Variants in RNF126 observed in about 807,000 individuals in gnomAD.
RNF126 encodes ring finger protein 126, also known as E3 ubiquitin-protein ligase RNF126.
Under a neutral mutation model 41.9 loss-of-function variants are expected in RNF126, and 20 were observed. That is an observed-to-expected ratio of 0.48 (90% confidence interval 0.34 to 0.69). The LOEUF is 0.69. RNF126 is among the 30% of genes least tolerant of loss of function. The pLI, the probability that RNF126 is intolerant of heterozygous loss-of-function variation, is 0.01. For synonymous variants in RNF126, 239 were observed against 202.9 expected, an observed-to-expected ratio of 1.18 and a Z score of -1.51; for missense variants, 433 against 460.6, an observed-to-expected ratio of 0.94 and a Z score of 0.55.
At position 663,204 on chromosome 19, in the gene RNF126, C is replaced by A. The variant is rs2030889797; in HGVS notation, c.-83G>T. On this transcript the variant is annotated 5_prime_UTR_variant, in exon 1 of 9. Coordinates refer to ENST00000292363, the MANE Select transcript of RNF126 (RefSeq NM_194460.3). ...TTTGCTGCTCCCTCGCCGGCCGACG[C>A]GCCCGCGCACGCTCACGCACGGCAC... 3 of 430,648 alleles carry A rather than the reference C, an allele frequency of 7.0e-6. No homozygotes were observed. The highest frequency in any genetic ancestry group is 9.7e-6 in the Non-Finnish European group (3 of 309,592). 26.7% of individuals were successfully genotyped at this position (430,648 alleles called of 1,614,324 possible).
At chr19:651,552 G>T in intron 4 of RNF126, 59 bp downstream of exon 4, 1 of 1,369,056 alleles carries the variant, frequency 7.3e-7, no homozygotes, top group Non-Finnish European at 9.4e-7. Flanking sequence ...GATTCTAAGC[G>T]CCAGAACTTC....
chr19:662,976 AC>A, intron 1 of RNF126, 70 bp downstream of exon 1: 1 of 741,366 alleles, frequency 1.3e-6, no homozygotes. Flanking sequence ...AGCGACCCCC[AC>A]CCCGGCCCCG....
intron 6 of RNF126, chr19:649,298 G>A (rs915175712): frequency 6.0e-6 from 2 of 331,792 alleles, no homozygotes; most frequent in South Asian, 1.7e-4. Context: ...CTACTGTGAG[G>A]GTCGGGTCCT....
chr19:654,946 C>T (rs576901788), intron 1 of RNF126, among the ~76,000 whole-genome samples: 5 of 150,514 alleles, frequency 3.3e-5, no homozygotes, highest in Admixed American at 1.3e-4. Flanking sequence ...CCAGCCTGGG[C>T]GACAGAGTGA....
At position 648,362 on chromosome 19, in the gene RNF126, G is replaced by GCCCCCCCCCCCCCCCCCCCCC; in HGVS notation, c.786+9_786+10insGGGGGGGGGGGGGGGGGGGGG. The GCCCCCCCCCCCCCCCCCCCCC allele has an allele frequency of 1.5e-6, 1 of 680,500 alleles. No individual in the cohort carries two copies. Among genetic ancestry groups the GCCCCCCCCCCCCCCCCCCCCC allele is most frequent in the Non-Finnish European group, 2.3e-6 (1 of 426,842 alleles). 42.2% of individuals were successfully genotyped at this position (680,500 alleles called of 1,614,324 possible). ...GTCGGGGTGGGGGGGCGGGTGGGCGGGGCACTCACCTGCTCCAGCCAGGGC... is the reference window on the plus strand; with the variant it reads ...GTCGGGGTGGGGGGGCGGGTGGGCGGCCCCCCCCCCCCCCCCCCCCCGGCACTCACCTGCTCCAGCCAGGGC... On this transcript the variant is annotated intron_variant, in intron 8 of 8. Transcript: ENST00000292363.
intron 6 of RNF126, chr19:649,219 AT>A (rs2030136967): frequency 3.9e-5 from 2 of 51,082 alleles, no homozygotes; most frequent in Non-Finnish European, 7.7e-5. Context: ...TGACAGCGGA[AT>A]GGGGGGGGGG....
chr19:648,888 G>T lies in RNF126; in HGVS notation c.664C>A (p.His222Asn). The change falls in exon 7 of 9, where the codon CAC becomes AAC. Residue 222 changes from histidine (H) to asparagine (N), a missense_variant. His to Asn is a moderately conservative substitution (Grantham distance 68, BLOSUM62 1). Transcript: ENST00000292363. ...ALPTVPVTEE[H>N]VGSGLECPVC... ...GGAGGCTGAGCTCTCATACCTACGT[G>T]CTCCTCAGTGACGGGGACGGTGGGG... 6.9e-7 allele frequency: 1 copy of T among 1,443,350 alleles called. No individual in the cohort carries two copies. Among genetic ancestry groups the T allele is most frequent in the Non-Finnish European group, 9.1e-7 (1 of 1,095,770 alleles). 89.4% of individuals were successfully genotyped at this position (1,443,350 alleles called of 1,614,324 possible).
In RNF126 at chr19:663,200, G is replaced by T; in HGVS notation, c.-79C>A. ...GCCGTTTGCTGCTCCCTCGCCGGCC[G>T]ACGCGCCCGCGCACGCTCACGCACG... On this transcript the variant is annotated 5_prime_UTR_variant, in exon 1 of 9. Transcript: ENST00000292363. 2.0e-6 allele frequency: 1 copy of T among 510,990 alleles called. No individual in the cohort carries two copies. The highest frequency in any genetic ancestry group is 8.4e-5 in the South Asian group (1 of 11,864). 31.7% of individuals were successfully genotyped at this position (510,990 alleles called of 1,614,324 possible). A position where few individuals can be genotyped will look rare whatever the true frequency, so the allele number is the denominator to read the frequency against.
At position 654,321 on chromosome 19, in the gene RNF126, C is replaced by G. The variant is rs1486796098; in HGVS notation, c.76-1437G>C. Among the ~76,000 whole-genome samples the G allele has an allele frequency of 2.0e-5, 3 of 152,238 alleles. No individual in the cohort carries two copies. In the South Asian group the frequency reaches 6.2e-4, roughly 31 times the overall value. ...AGGCCGGGAGGCACCACATGCGTTT[C>G]AGCCCACGCCCCACGAATTCTCGGC... On this transcript the variant is annotated intron_variant, in intron 1 of 8. Transcript: ENST00000292363.
Position 648,158 on chromosome 19 carries a change from G to C in RNF126, c.906C>G (p.Pro302=), listed in dbSNP as rs1428345721. The C allele has an allele frequency of 1.2e-6, 2 of 1,601,600 alleles. No homozygotes were observed. Among genetic ancestry groups the C allele is most frequent in the Non-Finnish European group, 8.5e-7 (1 of 1,172,158 alleles). Residue 302 remains proline (P), a synonymous_variant, in exon 9 of 9, where the codon CCC becomes CCG. Transcript: ENST00000292363. ...SSSSSSSSSS[P]SNENATSNS ...AGTTGCTTGTGGCGTTCTCGTTGCT[G>C]GGCGAGCTGGAGGAGGACGATGACG...
At chr19:652,472 A>ACC in intron 2 of RNF126, 176 bp from the exon 3 acceptor site, 1 of 630,402 alleles carries the variant, frequency 1.6e-6, no homozygotes, top group Non-Finnish European at 2.7e-6. Context: ...TCGCCAGTAA[A>ACC]CCACGGGTTT....
At chr19:661,901 A>G (rs1231592356) in intron 1 of RNF126, among the ~76,000 whole-genome samples, 1 of 152,126 alleles carries the variant, frequency 6.6e-6, no homozygotes, top group African/African-American at 2.4e-5. Context: ...CTCCCGACTG[A>G]GCCGGCTCTG....
chr19:659,567 GCT>G lies in RNF126; in HGVS notation c.75+3478_75+3479del, dbSNP rs2144776134. Among the ~76,000 whole-genome samples the G allele has an allele frequency of 6.6e-6, 1 of 152,234 alleles. No individual in the cohort carries two copies. The highest frequency in any genetic ancestry group is 2.1e-4 in the South Asian group (1 of 4,824). On this transcript the variant is annotated intron_variant, in intron 1 of 8. Coordinates refer to ENST00000292363, the MANE Select transcript of RNF126 (RefSeq NM_194460.3). This position sits in a 1 kb window ranked among gnomAD's most constrained non-coding sequence, Gnocchi z 4.9. ...CCCTGCGCCCGCCTGGTTCCTGGGGGCTCAGTGCCCTCAGCAGCTCTCGCCCA... is the reference window on the plus strand; with the variant it reads ...CCCTGCGCCCGCCTGGTTCCTGGGGGCAGTGCCCTCAGCAGCTCTCGCCCA...
Position 649,946 on chromosome 19 carries a change from C to T in RNF126, c.507-198G>A, listed in dbSNP as rs547472539. ...AGGCTGGGGATGGGAACAGGCACCC[C>T]CTCCTACTCACCAGGGACCCTGGCT... On this transcript the variant is annotated intron_variant, in intron 5 of 8. Transcript: ENST00000292363. 2.6e-4 allele frequency among the ~76,000 whole-genome samples: 38 copies of T among 143,550 alleles called. 1 individual carries two copies. The highest frequency in any genetic ancestry group is 8.6e-4 in the African/African-American group (33 of 38,306). 94.2% of individuals were successfully genotyped at this position (143,550 alleles called of 152,430 possible).
chr19:657,988 G>A (rs531151234), intron 1 of RNF126, among the ~76,000 whole-genome samples: 1 of 152,182 alleles, frequency 6.6e-6, no homozygotes, highest in African/African-American at 2.4e-5. Flanking sequence ...CCTGGTGAAG[G>A]AGCTGCCCCA....
intron 6 of RNF126, 135 bp downstream of exon 6, chr19:649,544 C>T: frequency 2.9e-6 from 2 of 684,124 alleles, no homozygotes; most frequent in East Asian, 5.6e-5. Flanking sequence ...CCTGTGCCCG[C>T]CAGAGCGTGG....
At position 648,098 on chromosome 19, in the gene RNF126, C is replaced by T. The variant is rs764693117; in HGVS notation, c.*30G>A. On this transcript the variant is annotated 3_prime_UTR_variant, in exon 9 of 9. Coordinates refer to ENST00000292363, the MANE Select transcript of RNF126 (RefSeq NM_194460.3). Reference sequence around the variant, plus strand: ...GCTGGCTGAGGGTGGGTGGGAAAGGCCCCGTGCTTTCCCGACGGCCGACGT... The same window carrying T: ...GCTGGCTGAGGGTGGGTGGGAAAGGTCCCGTGCTTTCCCGACGGCCGACGT... 13 of 1,537,582 alleles carry T rather than the reference C, an allele frequency of 8.5e-6. No homozygotes were observed. The South Asian group carries it at 8.9e-5, about 10-fold the overall frequency.
chr19:647,918 G>T lies in RNF126; in HGVS notation c.*210C>A. The T allele has an allele frequency of 3.1e-6, 2 of 641,526 alleles. No individual in the cohort carries two copies. Among genetic ancestry groups the T allele is most frequent in the Non-Finnish European group, 5.5e-6 (2 of 365,808 alleles). The allele number at this position is 641,526 out of a possible 1,614,324, so 39.7% of individuals were successfully genotyped here. A position where few individuals can be genotyped will look rare whatever the true frequency, so the allele number is the denominator to read the frequency against. On this transcript the variant is annotated 3_prime_UTR_variant, in exon 9 of 9. Transcript: ENST00000292363. ...GGTTAGACAGAGGACGGGGAGGCTGGGGACGCCCCAGAGGGGACCATGTGG... is the reference window on the plus strand; with the variant it reads ...GGTTAGACAGAGGACGGGGAGGCTGTGGACGCCCCAGAGGGGACCATGTGG...
At chr19:661,767 G>C (rs969599241) in intron 1 of RNF126, among the ~76,000 whole-genome samples, 2 of 152,172 alleles carry the variant, frequency 1.3e-5, no homozygotes, top group African/African-American at 4.8e-5. Context: ...CGTAGCAACA[G>C]CCGGGCGGCT....
Sources: gnomAD v4.1 joint callset for allele counts (sites outside exome capture counted in the v4.1 genomes callset) on GRCh38, gnomAD v4.1.1 for gene constraint, Gnocchi (gnomAD v3.1) non-coding constraint, MANE v1.5 for transcripts, NCBI Gene and HGNC (gene_info 2026-07-23, HGNC 2026-07-21) for gene names.